The following ARHGEF4 variants were observed in gnomAD, a reference collection of about 807,000 sequenced individuals.
The protein encoded by ARHGEF4 is APC-stimulated guanine nucleotide exchange factor 1.
Under a neutral mutation model 162.0 loss-of-function variants are expected in ARHGEF4, and 119 were observed. That is an observed-to-expected ratio of 0.73 (90% CI 0.63 to 0.86). The LOEUF (loss-of-function observed/expected upper bound fraction) is 0.86. Ranked by LOEUF, ARHGEF4 falls within the 40% of genes least tolerant of loss-of-function variation. ARHGEF4 has a pLI of 0.00. For synonymous variants in ARHGEF4, 1,014 were observed against 979.9 expected, an observed-to-expected ratio of 1.03 and a Z score of -0.65; for missense variants, 2,488 against 2,456.0, an observed-to-expected ratio of 1.01 and a Z score of -0.28.
Position 130,916,825 on chromosome 2 carries a change from A to C in ARHGEF4, c.2879A>C (p.Asp960Ala). 1 of 1,550,410 alleles carries C rather than the reference A, an allele frequency of 6.4e-7. No homozygotes were observed. The highest frequency in any genetic ancestry group is 8.7e-7 in the Non-Finnish European group (1 of 1,146,986). The change falls in exon 2 of 14, where the codon GAT (aspartate) becomes GCT (alanine). Residue 960 changes from aspartate (D) to alanine (A), a missense_variant. Asp to Ala is a moderately radical substitution (Grantham distance 126). Around this residue, in one of 6 missense-constraint regions of ARHGEF4, gnomAD observed 1,642 missense variants for 1,481.5 expected, o/e 1.11. Coordinates refer to ENST00000409359, the MANE Select transcript of ARHGEF4 (RefSeq NM_001367493.1). ...GSWRAFLKSK[D>A]AGSPKKPTLV... ...TGGCGGGCGTTTCTGAAAAGCAAAG[A>C]TGCCGGAAGCCCCAAAAAGCCCACC...
At chr2:130,937,163 G>A (rs1018902701) in intron 3 of ARHGEF4, among the ~76,000 whole-genome samples, 30 of 146,872 alleles carry the variant, frequency 2.0e-4, no homozygotes, top group Non-Finnish European at 3.2e-4. Flanking sequence ...TTCCCCCCTC[G>A]GCCTCCCAAA....
At chr2:130,963,215 G>T (rs116362992) in intron 4 of ARHGEF4, among the ~76,000 whole-genome samples, 1,583 of 152,180 alleles carry the variant, frequency 0.01, 31 homozygotes, top group African/African-American at 0.037. Context: ...GACTTTCCTC[G>T]GCCCCTTAAT....
At chr2:131,045,297 G>A in intron 12 of ARHGEF4, 72 bp from the exon 13 acceptor site, 1 of 1,369,172 alleles carries the variant, frequency 7.3e-7, no homozygotes, top group Non-Finnish European at 1.0e-6. Flanking sequence ...CACCAGGAAG[G>A]TGCAGGTGTG....
At chr2:130,845,524 C>G (rs893338947) in intron 1 of ARHGEF4, among the ~76,000 whole-genome samples, 2 of 151,982 alleles carry the variant, frequency 1.3e-5, no homozygotes, top group Non-Finnish European at 2.9e-5. Flanking sequence ...GTCTCGATCT[C>G]TTGACCTTGT....
rs1422423766 is a variant in ARHGEF4 at position 130,847,626 on chromosome 2, C to T, written c.39+10634C>T. 4.6e-5 allele frequency among the ~76,000 whole-genome samples: 7 copies of T among 152,210 alleles called. 1 individual carries two copies. The highest frequency in any genetic ancestry group is 4.1e-4 in the South Asian group (2 of 4,832). The stretch of plus-strand genomic sequence containing the variant: ...GGCCCCAGCTGCTTTTCCACCCCAA[C>T]GCTTGGCTCCGAGGGCCTGACCCCC... On this transcript the variant is annotated intron_variant, in intron 1 of 13. Transcript: ENST00000409359.
At chr2:130,992,389 G>A (rs192781845) in intron 4 of ARHGEF4, among the ~76,000 whole-genome samples, 3 of 152,158 alleles carry the variant, frequency 2.0e-5, no homozygotes, top group Non-Finnish European at 4.4e-5. Flanking sequence ...GAGCTGTAAC[G>A]CTCACCGCGA....
Position 130,915,631 on chromosome 2 carries a change from T to C in ARHGEF4, c.1685T>C (p.Ile562Thr). The C allele has an allele frequency of 6.5e-7, 1 of 1,549,996 alleles. No individual in the cohort carries two copies. The highest frequency in any genetic ancestry group is 8.7e-7 in the Non-Finnish European group (1 of 1,146,876). Residue 562 changes from isoleucine to threonine, a missense_variant, in exon 2 of 14, where the codon ATA becomes ACA. Around this residue, in one of 6 missense-constraint regions of ARHGEF4, gnomAD observed 1,642 missense variants for 1,481.5 expected, o/e 1.11. Coordinates refer to ENST00000409359, the MANE Select transcript of ARHGEF4 (RefSeq NM_001367493.1). ...APETTQKSSA[I>T]DTSKAAEEAM... ...GAGACCACCCAGAAATCAAGCGCAA[T>C]AGACACTTCAAAGGCAGCCGAAGAA...
intron 4 of ARHGEF4, among the ~76,000 whole-genome samples, chr2:130,995,005 G>C (rs553995236): frequency 2.0e-5 from 3 of 152,332 alleles, no homozygotes; most frequent in East Asian, 3.9e-4. Context: ...GATGTGCCCA[G>C]ATGTGGTTAT....
In ARHGEF4 at chr2:131,014,770, C is replaced by T. The variant is rs1688672516; in HGVS notation, c.3986-13175C>T. 1.3e-5 allele frequency among the ~76,000 whole-genome samples: 2 copies of T among 152,194 alleles called. 1 individual carries two copies. The highest frequency in any genetic ancestry group is 1.3e-4 in the Admixed American group (2 of 15,284). On this transcript the variant is annotated intron_variant, in intron 4 of 13. Coordinates refer to ENST00000409359, the MANE Select transcript of ARHGEF4 (RefSeq NM_001367493.1). Reference sequence around the variant, plus strand: ...AACAGATTTCTTGTAGGAGTCACTGCTTTTCTTGGCTAAAGGCTCCTCTTA... The same window carrying T: ...AACAGATTTCTTGTAGGAGTCACTGTTTTTCTTGGCTAAAGGCTCCTCTTA...
chr2:131,000,124 G>A (rs10183707), intron 4 of ARHGEF4, among the ~76,000 whole-genome samples: 27,766 of 152,214 alleles, frequency 0.18, 2,941 homozygotes, highest in African/African-American at 0.29. Context: ...AAAGAAGAAA[G>A]TTCTTTTTTG....
chr2:130,973,994 G>A (rs1198818458), intron 4 of ARHGEF4, among the ~76,000 whole-genome samples: 1 of 152,006 alleles, frequency 6.6e-6, no homozygotes, highest in East Asian at 1.9e-4. Context: ...ATCTTGCTGG[G>A]TGCAGTGGCT....
chr2:130,890,560 T>TAAAAA (rs1182979069), intron 1 of ARHGEF4, among the ~76,000 whole-genome samples: 1 of 137,652 alleles, frequency 7.3e-6, no homozygotes, highest in Non-Finnish European at 1.6e-5. Flanking sequence ...AGACTCCGTT[T>TAAAAA]AAAAAAAAAA....
intron 1 of ARHGEF4, among the ~76,000 whole-genome samples, chr2:130,878,580 T>A (rs1679006657): frequency 6.6e-6 from 1 of 152,172 alleles, no homozygotes; most frequent in African/African-American, 2.4e-5. Context: ...TCCCTCATAG[T>A]TGCTTGCTGC....
Position 130,916,210 on chromosome 2 carries a change from C to T in ARHGEF4, c.2264C>T (p.Pro755Leu), listed in dbSNP as rs1681480872. 6.5e-7 allele frequency: 1 copy of T among 1,546,436 alleles called. No homozygotes were observed. The change falls in exon 2 of 14, where the codon CCC becomes CTC. Residue 755 changes from proline (P) to leucine (L), a missense_variant. Pro to Leu is a moderately conservative substitution (Grantham distance 98). This residue lies in a region of ARHGEF4 where 1,642 missense variants were observed against 1,481.5 expected (regional missense o/e 1.11). Coordinates refer to ENST00000409359, the MANE Select transcript of ARHGEF4 (RefSeq NM_001367493.1). The part of the protein sequence containing the change: ...GSGERGPEEA[P>L]EGGAAAARGQ... The stretch of plus-strand genomic sequence containing the variant: ...GGGGAGCGTGGCCCGGAGGAGGCCC[C>T]CGAAGGCGGTGCTGCAGCAGCCCGG...
At chr2:130,987,651 G>C (rs912684411) in intron 4 of ARHGEF4, among the ~76,000 whole-genome samples, 1 of 152,148 alleles carries the variant, frequency 6.6e-6, no homozygotes, top group Non-Finnish European at 1.5e-5. Flanking sequence ...CCTCTTGTAA[G>C]ACAGGAAAGT....
chr2:130,902,754 C>G (rs1290068469), intron 1 of ARHGEF4, among the ~76,000 whole-genome samples: 1 of 152,178 alleles, frequency 6.6e-6, no homozygotes, highest in East Asian at 1.9e-4. Context: ...CAGAGGCCTC[C>G]GTCCTGTCGG....
intron 4 of ARHGEF4, among the ~76,000 whole-genome samples, chr2:130,953,802 A>G (rs1368305608): frequency 6.6e-6 from 1 of 152,262 alleles, no homozygotes; most frequent in Non-Finnish European, 1.5e-5. Flanking sequence ...ACATGAAAAA[A>G]TGTTCATCAT....
At chr2:131,043,116 T>TAAAAC (rs57898912) in intron 10 of ARHGEF4, among the ~76,000 whole-genome samples, 21,574 of 142,356 alleles carry the variant, frequency 0.15, 1,929 homozygotes, top group African/African-American at 0.33. Flanking sequence ...TGTGATCAAC[T>TAAAAC]ATCATTAATG....
At chr2:130,992,293 C>G (rs955165833) in intron 4 of ARHGEF4, among the ~76,000 whole-genome samples, 1 of 152,128 alleles carries the variant, frequency 6.6e-6, no homozygotes, top group Non-Finnish European at 1.5e-5. Context: ...TGCTTGGGTC[C>G]CCTTCCACAC....
Sources: gnomAD v4.1 joint callset for allele counts (sites outside exome capture counted in the v4.1 genomes callset) on GRCh38, gnomAD v4.1.1 for gene constraint, gnomAD v4.1.1 regional missense constraint, MANE v1.5 for transcripts, NCBI Gene and HGNC (gene_info 2026-07-23, HGNC 2026-07-21) for gene names.